The following BRINP1 variants were observed in gnomAD, a reference collection of about 807,000 sequenced individuals.
BRINP1 encodes the protein BMP/retinoic acid inducible neural specific 1.
In BRINP1, 17 loss-of-function variants were observed where a neutral mutation model predicts 72.9. The ratio of observed to expected loss-of-function variants is 0.23; its 90% confidence interval spans 0.16 to 0.35. The LOEUF (loss-of-function observed/expected upper bound fraction) is 0.35, where lower values mean the gene tolerates loss of function less well. BRINP1 is among the 10% of genes least tolerant of loss of function. The probability of loss-of-function intolerance (pLI) is 1.00; values close to 1 mark genes in which losing one functional copy is unlikely to be tolerated. For synonymous variants in BRINP1, 418 were observed against 378.5 expected, an observed-to-expected ratio of 1.10 and a Z score of -1.21; for missense variants, 850 against 1,001.6, an observed-to-expected ratio of 0.85 and a Z score of 2.04.
intron 7 of BRINP1, among the ~76,000 whole-genome samples, chr9:119,198,797 G>A (rs753657620): frequency 5.9e-5 from 9 of 151,512 alleles, no homozygotes; most frequent in East Asian, 5.8e-4. Flanking sequence ...TCAGCCTCCC[G>A]AGTAGCTGGG....
At chr9:119,209,007 A>C in intron 6 of BRINP1, 66 bp from the exon 7 acceptor site, 2 of 1,341,544 alleles carry the variant, frequency 1.5e-6, no homozygotes, top group Non-Finnish European at 2.1e-6. Flanking sequence ...AGTGGCCTTG[A>C]ATGCTTAGTG....
At chr9:119,348,207 TTATACAA>T (rs1292054177) in intron 1 of BRINP1, among the ~76,000 whole-genome samples, 1 of 152,220 alleles carries the variant, frequency 6.6e-6, no homozygotes, top group African/African-American at 2.4e-5. Context: ...TATGTTGGAA[TTATACAA>T]TATACATCCT....
intron 2 of BRINP1, among the ~76,000 whole-genome samples, chr9:119,272,789 T>G (rs1830621153): frequency 6.6e-6 from 1 of 152,188 alleles, no homozygotes. Flanking sequence ...CCATGGAAGT[T>G]TTTCCCGTAC....
chr9:119,303,251 C>T (rs1830958514), intron 2 of BRINP1, among the ~76,000 whole-genome samples: 1 of 150,940 alleles, frequency 6.6e-6, no homozygotes, highest in South Asian at 2.1e-4. Flanking sequence ...TGAGGAAAAG[C>T]AAAGTTACCT....
At position 119,302,516 on chromosome 9, in the gene BRINP1, AATC is replaced by A. The variant is rs376344074; in HGVS notation, c.218+10619_218+10621del. 2.3e-3 allele frequency among the ~76,000 whole-genome samples: 356 copies of A among 152,288 alleles called. 2 individuals carry two copies. Among genetic ancestry groups the A allele is most frequent in the African/African-American group, 8.3e-3 (343 of 41,562 alleles). On this transcript the variant is annotated intron_variant, in intron 2 of 7. Transcript: ENST00000265922. ...GGGGCCTATGGGAATCATAAAAAAA[AATC>A]ATTGAAACCTTAAGAACATCTTGAA...
chr9:119,211,077 C>T (rs1459949603), intron 6 of BRINP1, among the ~76,000 whole-genome samples: 1 of 152,056 alleles, frequency 6.6e-6, no homozygotes, highest in African/African-American at 2.4e-5. Context: ...CAGAGGGCTC[C>T]GTGGATGTCA....
intron 2 of BRINP1, among the ~76,000 whole-genome samples, chr9:119,290,270 C>G (rs1023459301): frequency 6.6e-6 from 1 of 152,208 alleles, no homozygotes; most frequent in South Asian, 2.1e-4. Context: ...ATTATGCAAC[C>G]TTTCACAGGC....
chr9:119,362,076 C>G (rs1336185443), intron 1 of BRINP1, among the ~76,000 whole-genome samples: 1 of 150,982 alleles, frequency 6.6e-6, no homozygotes, highest in Middle Eastern at 3.4e-3. Context: ...CTCCGCCCTC[C>G]CAAAGTGCTG....
intron 5 of BRINP1, among the ~76,000 whole-genome samples, chr9:119,225,209 C>T (rs552605336): frequency 1.1e-4 from 16 of 152,022 alleles, no homozygotes; most frequent in South Asian, 4.2e-4. Context: ...TGCCATAAAA[C>T]GGAATGAAGT....
intron 2 of BRINP1, among the ~76,000 whole-genome samples, chr9:119,267,310 A>G (rs1486130252): frequency 1.3e-5 from 2 of 152,190 alleles, no homozygotes; most frequent in African/African-American, 4.8e-5. Flanking sequence ...AAAGCAACCA[A>G]GAATCCAGAC....
At chr9:119,346,785 T>A (rs1831457165) in intron 1 of BRINP1, among the ~76,000 whole-genome samples, 1 of 152,214 alleles carries the variant, frequency 6.6e-6, no homozygotes, top group African/African-American at 2.4e-5. Flanking sequence ...TTCAAGGAAC[T>A]TAAAATGCTA....
At position 119,350,215 on chromosome 9, in the gene BRINP1, G is replaced by A. The variant is rs374819711; in HGVS notation, c.-51+18841C>T. Among the ~76,000 whole-genome samples the A allele has an allele frequency of 1.2e-4, 19 of 152,312 alleles. 1 individual carries two copies. Among genetic ancestry groups the A allele is most frequent in the African/African-American group, 4.3e-4 (18 of 41,564 alleles). ...GCTCTGGATGAAGGCTGCCAGAGCAGAGGATCTTAGTCTGAGATGCTTTTT... is the reference window on the plus strand; with the variant it reads ...GCTCTGGATGAAGGCTGCCAGAGCAAAGGATCTTAGTCTGAGATGCTTTTT... On this transcript the variant is annotated intron_variant, in intron 1 of 7. Coordinates refer to ENST00000265922, the MANE Select transcript of BRINP1 (RefSeq NM_014618.3).
chr9:119,327,469 T>C (rs1587961948), intron 1 of BRINP1, among the ~76,000 whole-genome samples: 1 of 152,230 alleles, frequency 6.6e-6, no homozygotes, highest in Non-Finnish European at 1.5e-5. Flanking sequence ...GAGCTAGGAT[T>C]CACTCCATGG....
At position 119,368,908 on chromosome 9, in the gene BRINP1, C is replaced by G. The variant is rs1406072111; in HGVS notation, c.-51+148G>C. The G allele has an allele frequency of 2.8e-6, 1 of 360,864 alleles. No individual in the cohort carries two copies. Among genetic ancestry groups the G allele is most frequent in the East Asian group, 4.0e-5 (1 of 25,114 alleles). 22.4% of individuals were successfully genotyped at this position (360,864 alleles called of 1,614,324 possible). A position where few individuals can be genotyped will look rare whatever the true frequency, so the allele number is the denominator to read the frequency against. On this transcript the variant is annotated intron_variant, in intron 1 of 7. Transcript: ENST00000265922. The surrounding 1 kb of genome is among the most constrained non-coding windows in gnomAD (Gnocchi z 4.7). ...ACCCCCTCCCTAGAACTGGAGAAGA[C>G]TTGGAGGCGGCGGGGCGGCCAGGTG... is the stretch of plus-strand genomic sequence containing the variant.
At chr9:119,279,538 A>G (rs1588188979) in intron 2 of BRINP1, among the ~76,000 whole-genome samples, 1 of 152,362 alleles carries the variant, frequency 6.6e-6, no homozygotes, top group East Asian at 1.9e-4. Context: ...AGAAAATAAT[A>G]GGTGCTTCAA....
rs1830026011 is a variant in BRINP1, at chr9:119,220,214, G to A, written c.686-6059C>T. The stretch of plus-strand genomic sequence containing the variant: ...ACTCAGGAAAAAAATGGGGCTCACT[G>A]TGTTATTGAGTTTCAACCACTGGGA... On this transcript the variant is annotated intron_variant, in intron 5 of 7. Coordinates refer to ENST00000265922, the MANE Select transcript of BRINP1 (RefSeq NM_014618.3). 2.0e-5 allele frequency among the ~76,000 whole-genome samples: 3 copies of A among 152,250 alleles called. No individual in the cohort carries two copies. In the South Asian group the frequency reaches 6.2e-4, roughly 32 times the overall value.
intron 1 of BRINP1, among the ~76,000 whole-genome samples, chr9:119,336,141 T>G (rs1831343220): frequency 6.6e-6 from 1 of 152,300 alleles, no homozygotes; most frequent in East Asian, 1.9e-4. Flanking sequence ...GGGTGATGTT[T>G]CCTTCAAGTG....
chr9:119,329,002 C>T (rs909800656), intron 1 of BRINP1, among the ~76,000 whole-genome samples: 36 of 152,142 alleles, frequency 2.4e-4, no homozygotes, highest in African/African-American at 8.2e-4. Context: ...GAAAAGTTTG[C>T]TGCCCCCACA....
At chr9:119,214,204 G>T in intron 5 of BRINP1, 49 bp from the exon 6 acceptor site, 2 of 1,403,536 alleles carry the variant, frequency 1.4e-6, no homozygotes, top group South Asian at 2.4e-5. Flanking sequence ...AAAAAAAGGT[G>T]TTTCATTAAC....
Sources: gnomAD v4.1 joint callset for allele counts (sites outside exome capture counted in the v4.1 genomes callset) on GRCh38, gnomAD v4.1.1 for gene constraint, Gnocchi (gnomAD v3.1) non-coding constraint, MANE v1.5 for transcripts, NCBI Gene and HGNC (gene_info 2026-07-23, HGNC 2026-07-21) for gene names.